The following SLC17A1 variants were observed in gnomAD, a reference collection of about 807,000 sequenced individuals.
The protein encoded by SLC17A1 is sodium-dependent phosphate transport protein 1.
Under a neutral mutation model 53.5 loss-of-function variants are expected in SLC17A1, and 51 were observed. That is an observed-to-expected ratio of 0.95 (90% confidence interval 0.76 to 1.20). The LOEUF is 1.20. Ranked by LOEUF, SLC17A1 falls within the 50% of genes most tolerant of loss-of-function variation. The pLI, the probability that SLC17A1 is intolerant of heterozygous loss-of-function variation, is 0.00. For synonymous variants in SLC17A1, 179 were observed against 198.8 expected, an observed-to-expected ratio of 0.90 and a Z score of 0.84; for missense variants, 538 against 568.2, an observed-to-expected ratio of 0.95 and a Z score of 0.54.
chr6:25,818,710 G>A (rs1301802426), intron 6 of SLC17A1, among the ~76,000 whole-genome samples: 1 of 152,018 alleles, frequency 6.6e-6, no homozygotes, highest in Non-Finnish European at 1.5e-5. Context: ...TTGATTATGT[G>A]GTAGTGCTCC....
At chr6:25,804,302 T>C (rs1763884385) in intron 10 of SLC17A1, among the ~76,000 whole-genome samples, 1 of 152,076 alleles carries the variant, frequency 6.6e-6, no homozygotes, top group Non-Finnish European at 1.5e-5. Context: ...TTAAGTTTCA[T>C]AAATGAAGGA....
the SLC17A1 span, chr6:25,732,681 T>C: frequency 1.5e-6 from 2 of 1,351,174 alleles, no homozygotes; most frequent in South Asian, 1.2e-5. Flanking sequence ...CCGCGCCACC[T>C]GCAGCTGGCC....
At chr6:25,766,633 T>C in the SLC17A1 span, among the ~76,000 whole-genome samples, 1 of 152,168 alleles carries the variant, frequency 6.6e-6, no homozygotes. Context: ...GGCCTTAATA[T>C]GATGTGATGA....
the SLC17A1 span, chr6:25,769,077 C>T: frequency 6.2e-7 from 1 of 1,613,948 alleles, no homozygotes; most frequent in Non-Finnish European, 8.5e-7. Context: ...CATTGCCATC[C>T]CAGCTATGGT....
the SLC17A1 span, among the ~76,000 whole-genome samples, chr6:25,748,025 T>C: frequency 3.9e-5 from 6 of 152,226 alleles, no homozygotes; most frequent in African/African-American, 1.4e-4. Flanking sequence ...TGTGTATATT[T>C]GTTACTTATT....
chr6:25,830,506 A>G lies in SLC17A1; in HGVS notation c.34+18T>C. On this transcript the variant is annotated intron_variant, in intron 2 of 12. Coordinates refer to ENST00000244527, the MANE Select transcript of SLC17A1 (RefSeq NM_005074.5). Reference sequence around the variant, plus strand: ...AAGAAAAAGAACACCTGTTTAATGGAACAGAATAAAGTGCTACCTTTTTTG... The same window carrying G: ...AAGAAAAAGAACACCTGTTTAATGGGACAGAATAAAGTGCTACCTTTTTTG... 6.3e-7 allele frequency: 1 copy of G among 1,582,744 alleles called. No individual in the cohort carries two copies. The highest frequency in any genetic ancestry group is 8.7e-7 in the Non-Finnish European group (1 of 1,151,504).
chr6:25,738,354 T>C, the SLC17A1 span, among the ~76,000 whole-genome samples: 2 of 152,150 alleles, frequency 1.3e-5, no homozygotes, highest in Non-Finnish European at 2.9e-5. Context: ...GCTAGAGCAA[T>C]AGGCAAAAAT....
In SLC17A1 at chr6:25,817,485, G is replaced by A. The variant is rs190566633; in HGVS notation, c.616+1583C>T. Among the ~76,000 whole-genome samples the A allele has an allele frequency of 2.3e-3, 348 of 152,274 alleles. 4 individuals carry two copies. Among genetic ancestry groups the A allele is most frequent in the Non-Finnish European group, 2.1e-3 (140 of 68,018 alleles). ...ATTCTTAGTGATAAGGAAAAAACATGTGAGGGACTTCACAGTAAAGCTATT... is the reference window on the plus strand; with the variant it reads ...ATTCTTAGTGATAAGGAAAAAACATATGAGGGACTTCACAGTAAAGCTATT... On this transcript the variant is annotated intron_variant, in intron 6 of 12. Transcript: ENST00000244527.
chr6:25,826,607 C>A lies in SLC17A1; in HGVS notation c.61G>T (p.Gly21Ter). Residue 21 changes from glycine to a stop codon, truncating the protein, a stop_gained, in exon 3 of 13, where the codon GGA becomes TGA. Coordinates refer to ENST00000244527, the MANE Select transcript of SLC17A1 (RefSeq NM_005074.5). LOFTEE classifies it high-confidence loss of function. ...CAACAGTGCACAAGGAAAGACAATC[C>A]ATAGCGAAAGGAACAGAAACCTGGA... is the stretch of plus-strand genomic sequence containing the variant. ...KVPGFCSFRY[G>*]LSFLVHCCNV... 6.3e-7 allele frequency: 1 copy of A among 1,585,286 alleles called. No individual in the cohort carries two copies. Among genetic ancestry groups the A allele is most frequent in the Non-Finnish European group, 8.6e-7 (1 of 1,164,800 alleles).
chr6:25,729,116 C>A, the SLC17A1 span, among the ~76,000 whole-genome samples: 1 of 152,200 alleles, frequency 6.6e-6, no homozygotes, highest in Non-Finnish European at 1.5e-5. Context: ...CCTGATTACC[C>A]AAGGACTTTT....
the SLC17A1 span, among the ~76,000 whole-genome samples, chr6:25,758,305 A>G: frequency 6.6e-6 from 1 of 152,240 alleles, no homozygotes; most frequent in Non-Finnish European, 1.5e-5. Flanking sequence ...CTGACAGAGA[A>G]TACCAGCAAC....
intron 6 of SLC17A1, among the ~76,000 whole-genome samples, chr6:25,815,638 C>T (rs1764324686): frequency 6.6e-6 from 1 of 152,140 alleles, no homozygotes; most frequent in African/African-American, 2.4e-5. Context: ...CTTCAAGACA[C>T]AGCTCTCCTC....
At chr6:25,746,032 G>A in the SLC17A1 span, among the ~76,000 whole-genome samples, 1 of 152,212 alleles carries the variant, frequency 6.6e-6, no homozygotes, top group East Asian at 1.9e-4. Flanking sequence ...GATCACTCAT[G>A]AGCAGATTTC....
intron 10 of SLC17A1, among the ~76,000 whole-genome samples, chr6:25,808,961 A>G (rs1476418191): frequency 3.3e-5 from 5 of 152,080 alleles, no homozygotes; most frequent in Non-Finnish European, 5.9e-5. Flanking sequence ...TCATGTGTTT[A>G]TTGCAACACT....
downstream of SLC17A1, chr6:25,778,033 T>C (rs761706846): frequency 1.1e-5 from 17 of 1,567,678 alleles, no homozygotes; most frequent in African/African-American, 2.2e-4. Flanking sequence ...TCAAATGTTC[T>C]GATGAATATT....
At chr6:25,822,847 A>T (rs1764610609) in intron 3 of SLC17A1, among the ~76,000 whole-genome samples, 1 of 152,216 alleles carries the variant, frequency 6.6e-6, no homozygotes, top group South Asian at 2.1e-4. Flanking sequence ...AAAATAGATA[A>T]TTGACACAAT....
At chr6:25,828,584 A>G (rs1472153248) in intron 2 of SLC17A1, among the ~76,000 whole-genome samples, 3 of 151,856 alleles carry the variant, frequency 2.0e-5, no homozygotes, top group African/African-American at 7.3e-5. Context: ...TAATGTTTTT[A>G]TAAATTCTTA....
the SLC17A1 span, among the ~76,000 whole-genome samples, chr6:25,727,657 G>A: frequency 1.3e-3 from 198 of 152,100 alleles, 1 homozygote; most frequent in African/African-American, 4.7e-3. Flanking sequence ...AAAGTGCTGG[G>A]ACTACAGGCG....
intron 12 of SLC17A1, among the ~76,000 whole-genome samples, chr6:25,791,867 C>T (rs538493737): frequency 6.6e-6 from 1 of 152,330 alleles, no homozygotes; most frequent in Non-Finnish European, 1.5e-5. Flanking sequence ...TTTGCAGGTG[C>T]AAAGGTGGCG....
Sources: gnomAD v4.1 joint callset for allele counts (sites outside exome capture counted in the v4.1 genomes callset) on GRCh38, gnomAD v4.1.1 for gene constraint, MANE v1.5 for transcripts, NCBI Gene and HGNC (gene_info 2026-07-23, HGNC 2026-07-21) for gene names.